CERS6: variants seen among roughly 807,000 people sequenced by gnomAD.
CERS6 encodes LAG1 homolog, ceramide synthase 6.
A neutral mutation model predicts 56.8 loss-of-function variants in CERS6; 26 were observed. The ratio of observed to expected loss-of-function variants is 0.46; its 90% CI spans 0.34 to 0.63. The LOEUF is 0.63. CERS6 is among the 30% of genes least tolerant of loss of function. The pLI is 0.01. For synonymous variants in CERS6, 164 were observed against 173.3 expected (o/e 0.95, Z 0.42); for missense variants, 415 against 467.5 (o/e 0.89, Z 1.04).
At position 168,588,012 on chromosome 2, in the gene CERS6, G is replaced by T. The variant is rs140616998; in HGVS notation, c.407+26690G>T. On this transcript the variant is annotated intron_variant, in intron 3 of 9. Transcript: ENST00000305747. ...CGCAGTTATAGCTCACTGCAGCCTC[G>T]ACCTTCTGGGCTCAGTGATCCTCCG... Among the ~76,000 whole-genome samples the T allele has an allele frequency of 2.7e-3, 407 of 151,730 alleles. 4 individuals are homozygous for T. The highest frequency in any genetic ancestry group is 9.0e-3 in the African/African-American group (371 of 41,360).
intron 8 of CERS6, among the ~76,000 whole-genome samples, chr2:168,753,231 C>T (rs749432107): frequency 1.3e-5 from 2 of 152,224 alleles, no homozygotes; most frequent in Non-Finnish European, 2.9e-5. Context: ...ATACTCAATA[C>T]TGTCAGTTCT....
chr2:168,674,509 C>T (rs746465370), intron 4 of CERS6, among the ~76,000 whole-genome samples: 11 of 152,144 alleles, frequency 7.2e-5, no homozygotes, highest in African/African-American at 1.7e-4. Context: ...AATTGGGTAT[C>T]GGATACTATT....
At chr2:168,656,948 G>A (rs1685490519) in intron 4 of CERS6, among the ~76,000 whole-genome samples, 1 of 152,068 alleles carries the variant, frequency 6.6e-6, no homozygotes, top group Non-Finnish European at 1.5e-5. Flanking sequence ...GTTCTCCAAG[G>A]CCTCACCAGA....
chr2:168,644,087 A>G (rs1574123993), intron 4 of CERS6: 1 of 985,224 alleles, frequency 1.0e-6, no homozygotes, highest in South Asian at 4.7e-5. Flanking sequence ...CTTTATCCTT[A>G]AACAGCTTAC....
At chr2:168,655,875 TGC>T (rs1405019986) in intron 4 of CERS6, among the ~76,000 whole-genome samples, 6 of 152,242 alleles carry the variant, frequency 3.9e-5, no homozygotes, top group Non-Finnish European at 7.3e-5. Flanking sequence ...TTTTATCACA[TGC>T]ACAAAGAAGA....
intron 3 of CERS6, among the ~76,000 whole-genome samples, chr2:168,619,396 G>A (rs1042041371): frequency 6.6e-6 from 1 of 151,998 alleles, no homozygotes; most frequent in East Asian, 1.9e-4. Flanking sequence ...ATGGCAAAAG[G>A]AAGTCAGCAG....
Position 168,739,752 on chromosome 2 carries a change from T to TC in CERS6, c.845+21774_845+21775insC. On this transcript the variant is annotated intron_variant, in intron 8 of 9. Coordinates refer to ENST00000305747, the MANE Select transcript of CERS6 (RefSeq NM_203463.3). ...CTGTGGTATGAAGAAGAAAGGAACTTTTTTTTTTTTTGAGACAGAGTCTCG... is the reference window on the plus strand; with the variant it reads ...CTGTGGTATGAAGAAGAAAGGAACTTCTTTTTTTTTTTGAGACAGAGTCTCG... 2.0e-5 allele frequency among the ~76,000 whole-genome samples: 3 copies of TC among 149,402 alleles called. No individual in the cohort carries two copies. The Middle Eastern group carries it at 0.01, about 519-fold the overall frequency.
At chr2:168,764,568 T>C (rs1291306103) in intron 8 of CERS6, among the ~76,000 whole-genome samples, 1 of 152,156 alleles carries the variant, frequency 6.6e-6, no homozygotes, top group Non-Finnish European at 1.5e-5. Context: ...TTAAGGACCC[T>C]CTAATGACTC....
At chr2:168,513,837 A>T (rs950788740) in intron 1 of CERS6, among the ~76,000 whole-genome samples, 1 of 152,064 alleles carries the variant, frequency 6.6e-6, no homozygotes, top group Non-Finnish European at 1.5e-5. Context: ...GGCTGTTGGA[A>T]CTGGTTGCGA....
chr2:168,718,058 TGTAA>T (rs1205018035), intron 8 of CERS6, 80 bp downstream of exon 8: 6 of 995,986 alleles, frequency 6.0e-6, no homozygotes, highest in East Asian at 2.4e-5. Flanking sequence ...TGAATTTTAC[TGTAA>T]GTATTTACAG....
At chr2:168,732,089 A>G (rs942238738) in intron 8 of CERS6, among the ~76,000 whole-genome samples, 1 of 152,198 alleles carries the variant, frequency 6.6e-6, no homozygotes, top group African/African-American at 2.4e-5. Context: ...TGAATTATTC[A>G]TGGCACTTGA....
At chr2:168,747,007 A>T (rs1684128201) in intron 8 of CERS6, among the ~76,000 whole-genome samples, 1 of 151,818 alleles carries the variant, frequency 6.6e-6, no homozygotes, top group Admixed American at 6.6e-5. Flanking sequence ...ATCGCACTTT[A>T]AATCATGTTT....
At chr2:168,585,531 T>G (rs1683520544) in intron 3 of CERS6, among the ~76,000 whole-genome samples, 1 of 152,196 alleles carries the variant, frequency 6.6e-6, no homozygotes, top group East Asian at 1.9e-4. Flanking sequence ...TCAGTAAGAC[T>G]CCCTTTCTTC....
intron 4 of CERS6, among the ~76,000 whole-genome samples, chr2:168,639,226 C>G (rs574852071): frequency 1.1e-3 from 174 of 152,186 alleles, no homozygotes; most frequent in African/African-American, 3.8e-3. Context: ...TTCCTTTGGC[C>G]GGAGGCAGTG....
chr2:168,576,805 C>A (rs757119889), intron 3 of CERS6, among the ~76,000 whole-genome samples: 2 of 152,114 alleles, frequency 1.3e-5, no homozygotes, highest in Non-Finnish European at 2.9e-5. Context: ...TCAGATTACA[C>A]TTTATTTTGA....
chr2:168,564,829 C>A (rs899238342), intron 3 of CERS6, among the ~76,000 whole-genome samples: 2 of 152,164 alleles, frequency 1.3e-5, no homozygotes, highest in African/African-American at 4.8e-5. Flanking sequence ...CACATGCTGC[C>A]TTATGTGGTT....
chr2:168,464,660 A>G (rs1369551183), intron 1 of CERS6, among the ~76,000 whole-genome samples: 1 of 144,416 alleles, frequency 6.9e-6, no homozygotes, highest in African/African-American at 2.5e-5. Context: ...TCAAGATTGA[A>G]TGGGTCTTTA....
chr2:168,484,165 C>CTTT (rs1694229616), intron 1 of CERS6, among the ~76,000 whole-genome samples: 1 of 46,362 alleles, frequency 2.2e-5, no homozygotes, highest in African/African-American at 7.7e-5. Context: ...TTTCTTTTTT[C>CTTT]TGTTTTTTTT....
chr2:168,666,068 C>T (rs1685753598), intron 4 of CERS6, among the ~76,000 whole-genome samples: 1 of 151,450 alleles, frequency 6.6e-6, no homozygotes, highest in African/African-American at 2.4e-5. Context: ...ATCATCACCC[C>T]CTGACCCCTG....
Sources: allele counts gnomAD v4.1 joint callset (sites outside exome capture counted in the v4.1 genomes callset), GRCh38; gene constraint gnomAD v4.1.1; transcripts MANE v1.5; gene names NCBI Gene and HGNC (gene_info 2026-07-23, HGNC 2026-07-21).